KIAA1671: variants seen among roughly 807,000 people sequenced by gnomAD.
The protein encoded by KIAA1671 is uncharacterized protein KIAA1671.
In KIAA1671, 52 loss-of-function variants were observed where a neutral mutation model predicts 131.2. The ratio of observed to expected loss-of-function variants is 0.40; its 90% CI spans 0.32 to 0.50. The LOEUF (loss-of-function observed/expected upper bound fraction) is 0.50. Among genes scored for constraint, KIAA1671 ranks in the 20% least tolerant of loss-of-function variants. The probability of loss-of-function intolerance (pLI) is 0.73; values close to 1 mark genes in which losing one functional copy is unlikely to be tolerated. For synonymous variants in KIAA1671, 1,003 were observed against 961.6 expected (o/e 1.04, Z -0.80); for missense variants, 2,360 against 2,364.2 (o/e 1.00, Z 0.04).
intron 1 of KIAA1671, among the ~76,000 whole-genome samples, chr22:24,989,987 C>A (rs1313293751): frequency 6.6e-6 from 1 of 152,104 alleles, no homozygotes; most frequent in African/African-American, 2.4e-5. Flanking sequence ...AAAACATATT[C>A]TTTTGATAGA....
chr22:25,131,631 C>T (rs1458701719), intron 6 of KIAA1671, among the ~76,000 whole-genome samples: 1 of 152,248 alleles, frequency 6.6e-6, no homozygotes, highest in African/African-American at 2.4e-5. Context: ...CCTGGCTGCC[C>T]GCCTGCCTGT....
chr22:24,964,596 A>T (rs983051536), intron 1 of KIAA1671, among the ~76,000 whole-genome samples: 4 of 151,948 alleles, frequency 2.6e-5, no homozygotes, highest in African/African-American at 4.8e-5. Flanking sequence ...TAATTAAAAA[A>T]TTTTTTTGTA....
chr22:25,093,836 C>T lies in KIAA1671; in HGVS notation c.4530+44472C>T, dbSNP rs1568951593. 5.0e-3 allele frequency among the ~76,000 whole-genome samples: 322 copies of T among 64,566 alleles called. 42 individuals are homozygous for T. The highest frequency in any genetic ancestry group is 0.018 in the South Asian group (28 of 1,566). 42.4% of individuals were successfully genotyped at this position (64,566 alleles called of 152,430 possible). On this transcript the variant is annotated intron_variant, in intron 6 of 12. Transcript: ENST00000358431. ...TGTCTCTCTCTCTTTCTCTCTCTGT[C>T]TGTCTCTCTCTCTCTCTCTCTCTCT...
intron 1 of KIAA1671, among the ~76,000 whole-genome samples, chr22:24,993,206 C>T (rs554071756): frequency 6.6e-5 from 10 of 152,100 alleles, no homozygotes; most frequent in East Asian, 1.9e-4. Flanking sequence ...GGCAGGCAGG[C>T]GGTAACTCCA....
Position 25,028,733 on chromosome 22 carries a change from C to T in KIAA1671, c.734C>T (p.Ala245Val). 1.7e-5 allele frequency: 27 copies of T among 1,551,248 alleles called. No homozygotes were observed. Among genetic ancestry groups the T allele is most frequent in the Non-Finnish European group, 2.3e-5 (26 of 1,147,016 alleles). The change falls in exon 3 of 13, where the codon GCC becomes GTC. Residue 245 changes from alanine (A) to valine (V), a missense_variant. Physicochemically the swap from Ala to Val is moderately conservative, Grantham distance 64 (BLOSUM62 0). Transcript: ENST00000358431. ...CGCCTGAAGAGAAGGCCCGTGTCTG[C>T]CATTTTCACGGAGTCCATTCAGCCT... ...RPRLKRRPVSAIFTESIQPQK... is the reference protein window; with the variant it reads ...RPRLKRRPVSVIFTESIQPQK...
In KIAA1671 at chr22:25,134,651, C is replaced by T. The variant is rs531941830; in HGVS notation, c.4531-36169C>T. 2.0e-5 allele frequency among the ~76,000 whole-genome samples: 3 copies of T among 152,270 alleles called. No homozygotes were observed. The South Asian group carries it at 6.2e-4, about 32-fold the overall frequency. ...TAAAGCTCAGATCACCTTGCAGCCT[C>T]CAGCCCAGAGAGTTGGAGGCAGCTC... is the stretch of plus-strand genomic sequence containing the variant. On this transcript the variant is annotated intron_variant, in intron 6 of 12. Coordinates refer to ENST00000358431, the MANE Select transcript of KIAA1671 (RefSeq NM_001145206.2).
At chr22:25,179,389 G>T in intron 9 of KIAA1671, 1 of 1,609,654 alleles carries the variant, frequency 6.2e-7, no homozygotes, top group Non-Finnish European at 8.5e-7. Context: ...CGCTCGCGCA[G>T]TGCGGCCAGG....
At chr22:25,174,158 G>A (rs1933942782) in intron 7 of KIAA1671, 82 bp from the exon 8 acceptor site, 2 of 1,446,286 alleles carry the variant, frequency 1.4e-6, no homozygotes, top group Admixed American at 2.1e-5. Flanking sequence ...AAGCTATGCT[G>A]CCTGCAGCAT....
At chr22:25,141,585 A>G (rs1568976898) in intron 6 of KIAA1671, among the ~76,000 whole-genome samples, 1 of 152,206 alleles carries the variant, frequency 6.6e-6, no homozygotes, top group East Asian at 1.9e-4. Context: ...ATCTAGATCT[A>G]TATTTATATT....
chr22:25,028,858 C>T lies in KIAA1671; in HGVS notation c.859C>T (p.Leu287Phe). The T allele has an allele frequency of 6.4e-7, 1 of 1,550,928 alleles. No homozygotes were observed. The highest frequency in any genetic ancestry group is 8.7e-7 in the Non-Finnish European group (1 of 1,146,848). The change falls in exon 3 of 13, where the codon CTC (leucine) becomes TTC (phenylalanine). Residue 287 changes from leucine to phenylalanine, a missense_variant. By Grantham distance (22) the Leu-to-Phe change is conservative. This residue lies in a region of KIAA1671 where 1,185 missense variants were observed against 1,126.2 expected (regional missense o/e 1.05). Coordinates refer to ENST00000358431, the MANE Select transcript of KIAA1671 (RefSeq NM_001145206.2). The stretch of plus-strand genomic sequence containing the variant: ...GAAGCCCAGGCCCTTGTCCATGGAC[C>T]TCACGGCCCGGTTTGAGAACAAAGA... Reference protein sequence around the residue: ...VRKPRPLSMDLTARFENKEAL... With the variant: ...VRKPRPLSMDFTARFENKEAL...
intron 6 of KIAA1671, among the ~76,000 whole-genome samples, chr22:25,078,396 G>C (rs1929225656): frequency 1.3e-5 from 2 of 152,158 alleles, no homozygotes; most frequent in South Asian, 2.1e-4. Flanking sequence ...AAGTATAATG[G>C]TGTACGCCTA....
At chr22:25,140,005 C>A (rs990308447) in intron 6 of KIAA1671, among the ~76,000 whole-genome samples, 2 of 152,208 alleles carry the variant, frequency 1.3e-5, no homozygotes, top group African/African-American at 4.8e-5. Flanking sequence ...AACAAATGAT[C>A]ACAAACTTAG....
In KIAA1671 at chr22:25,104,745, A is replaced by T. The variant is rs181250606; in HGVS notation, c.4530+55381A>T. On this transcript the variant is annotated intron_variant, in intron 6 of 12. Transcript: ENST00000358431. ...TCATCAGAACCCTTGGCAATTGTTC[A>T]TTTTTTTTTTCCTATTTCTTTCTTC... 1.5e-3 allele frequency among the ~76,000 whole-genome samples: 228 copies of T among 148,618 alleles called. 4 individuals carry two copies. In the South Asian group the frequency reaches 0.034, roughly 22 times the overall value.
chr22:25,123,453 A>G (rs1476474302), intron 6 of KIAA1671, among the ~76,000 whole-genome samples: 2 of 152,030 alleles, frequency 1.3e-5, no homozygotes, highest in Non-Finnish European at 2.9e-5. Context: ...TGGCCTCCCA[A>G]AGTGCTGGGA....
At chr22:25,078,806 A>G (rs917158224) in intron 6 of KIAA1671, among the ~76,000 whole-genome samples, 2 of 152,154 alleles carry the variant, frequency 1.3e-5, no homozygotes, top group African/African-American at 4.8e-5. Flanking sequence ...GGTTTGGGCC[A>G]TGGAACAGTT....
At chr22:25,112,644 C>T in intron 6 of KIAA1671, 1 of 369,296 alleles carries the variant, frequency 2.7e-6, no homozygotes, top group Non-Finnish European at 4.8e-6. Context: ...AGCAATAATT[C>T]CTCTCTCCTG....
chr22:25,146,593 A>G (rs1197919755), intron 6 of KIAA1671, among the ~76,000 whole-genome samples: 2 of 152,060 alleles, frequency 1.3e-5, no homozygotes, highest in African/African-American at 2.4e-5. Context: ...CCTGGCTTTG[A>G]CTCCCAGCAC....
intron 1 of KIAA1671, among the ~76,000 whole-genome samples, chr22:25,009,061 T>C (rs1329860092): frequency 6.6e-6 from 1 of 152,112 alleles, no homozygotes; most frequent in Non-Finnish European, 1.5e-5. Context: ...TTTGGGTTTA[T>C]TGGTATAGAT....
intron 6 of KIAA1671, among the ~76,000 whole-genome samples, chr22:25,120,946 A>G (rs1362738171): frequency 6.6e-6 from 1 of 152,076 alleles, no homozygotes; most frequent in African/African-American, 2.4e-5. Flanking sequence ...TGGATTTCTG[A>G]GAGGTCCCCG....
Sources: allele counts gnomAD v4.1 joint callset (sites outside exome capture counted in the v4.1 genomes callset), GRCh38; gene constraint gnomAD v4.1.1; regional missense constraint gnomAD v4.1.1; transcripts MANE v1.5; gene names NCBI Gene and HGNC (gene_info 2026-07-23, HGNC 2026-07-21).